Variants in ZNF729 observed in about 807,000 individuals in gnomAD.
ZNF729 encodes the protein zinc finger protein 729.
ZNF729 carries 15 observed loss-of-function variants against 12.2 expected under a neutral mutation model. The observed-to-expected ratio is 1.23, with a 90% CI of 0.82 to 1.89. The LOEUF is 1.89. ZNF729 is among the 40% of genes most tolerant of loss of function. The pLI is 0.00. For synonymous variants in ZNF729, 492 were observed against 476.3 expected (o/e 1.03, Z -0.43); for missense variants, 1,540 against 1,456.7 (o/e 1.06, Z -0.93).
At chr19:22,295,629 T>C (rs1002291501) in intron 1 of ZNF729, among the ~76,000 whole-genome samples, 4 of 152,150 alleles carry the variant, frequency 2.6e-5, no homozygotes, top group African/African-American at 9.7e-5. Flanking sequence ...CTCGATCTCC[T>C]GACCTCGTGA....
At chr19:22,291,922 C>CA (rs1235018361) in intron 1 of ZNF729, among the ~76,000 whole-genome samples, 1 of 152,074 alleles carries the variant, frequency 6.6e-6, no homozygotes, top group African/African-American at 2.4e-5. Context: ...TTAGTAGAGA[C>CA]AGAGTTTCAC....
At chr19:22,307,400 T>C (rs1451112101) in intron 3 of ZNF729, among the ~76,000 whole-genome samples, 1 of 151,486 alleles carries the variant, frequency 6.6e-6, no homozygotes, top group African/African-American at 2.4e-5. Flanking sequence ...CTTTATTTTT[T>C]ACTGTTTTTA....
Position 22,314,834 on chromosome 19 carries a change from T to G in ZNF729, c.1417T>G (p.Ser473Ala). The change falls in exon 4 of 4, where the codon TCA (serine) becomes GCA (alanine). Residue 473 changes from serine to alanine, a missense_variant. Ser to Ala is a moderately conservative substitution (Grantham distance 99). Coordinates refer to ENST00000601693, the MANE Select transcript of ZNF729 (RefSeq NM_001242680.2). ...ATGTGGCAAAGCTTTTAGGCAATCC[T>G]CACACCTTACTAGACATAAAGCAAT... is the stretch of plus-strand genomic sequence containing the variant. ...EECGKAFRQS[S>A]HLTRHKAIHT... 6.2e-7 allele frequency: 1 copy of G among 1,613,624 alleles called. No homozygotes were observed. Among genetic ancestry groups the G allele is most frequent in the East Asian group, 2.2e-5 (1 of 44,800 alleles).
chr19:22,299,821 G>C (rs773858711), intron 1 of ZNF729: 5 of 152,248 alleles, frequency 3.3e-5, no homozygotes, highest in African/African-American at 4.8e-5. Context: ...CTCCCCAGGA[G>C]GCCTGCAGGC....
chr19:22,300,397 C>G (rs1968289056), intron 1 of ZNF729, among the ~76,000 whole-genome samples: 1 of 152,028 alleles, frequency 6.6e-6, no homozygotes, highest in South Asian at 2.1e-4. Context: ...TATGTCTGTT[C>G]TATTGTGGAG....
chr19:22,306,168 C>T (rs1411675130), intron 3 of ZNF729, among the ~76,000 whole-genome samples: 1 of 152,044 alleles, frequency 6.6e-6, no homozygotes, highest in Non-Finnish European at 1.5e-5. Context: ...GCACTGGGCA[C>T]AGTGACTTAT....
intron 1 of ZNF729, among the ~76,000 whole-genome samples, chr19:22,294,305 T>C (rs1968195334): frequency 1.3e-5 from 2 of 152,320 alleles, no homozygotes; most frequent in South Asian, 4.1e-4. Context: ...GGGCTCTCTA[T>C]TCTGTTGCAT....
intron 1 of ZNF729, among the ~76,000 whole-genome samples, chr19:22,296,656 G>T (rs1701181709): frequency 6.6e-6 from 1 of 151,934 alleles, no homozygotes; most frequent in South Asian, 2.1e-4. Flanking sequence ...TAGCTTAGGA[G>T]TTGCTTTGCT....
chr19:22,288,699 C>T (rs1019063886), intron 1 of ZNF729, among the ~76,000 whole-genome samples: 2 of 152,154 alleles, frequency 1.3e-5, no homozygotes, highest in African/African-American at 2.4e-5. Flanking sequence ...CCCAACCCAG[C>T]TTCCATTTCT....
intron 1 of ZNF729, chr19:22,299,020 ACC>A (rs1968269559): frequency 6.6e-6 from 1 of 151,934 alleles, no homozygotes; most frequent in Non-Finnish European, 1.5e-5. Flanking sequence ...TCAATATATA[ACC>A]CCCCATTCAA....
chr19:22,308,393 G>T (rs113493517), intron 3 of ZNF729, among the ~76,000 whole-genome samples: 3,803 of 152,226 alleles, frequency 0.025, 153 homozygotes, highest in African/African-American at 0.087. Flanking sequence ...ACCCAGTAGT[G>T]GGACTGCTGG....
intron 2 of ZNF729, among the ~76,000 whole-genome samples, chr19:22,304,356 G>T (rs547261532): frequency 1.3e-5 from 2 of 152,040 alleles, no homozygotes; most frequent in South Asian, 4.1e-4. Context: ...ATTTTTTAAA[G>T]ATGTTTCATT....
intron 3 of ZNF729, among the ~76,000 whole-genome samples, chr19:22,305,849 G>C (rs111659459): frequency 0.025 from 3,791 of 152,070 alleles, 153 homozygotes; most frequent in African/African-American, 0.087. Flanking sequence ...CAGCCAGGCT[G>C]GTTTGCAATG....
intron 1 of ZNF729, among the ~76,000 whole-genome samples, chr19:22,303,323 T>C (rs1252788652): frequency 6.6e-6 from 1 of 152,164 alleles, no homozygotes; most frequent in African/African-American, 2.4e-5. Context: ...AACTCAGACT[T>C]TATTCTAGAT....
intron 3 of ZNF729, among the ~76,000 whole-genome samples, chr19:22,313,386 G>A (rs1165581481): frequency 6.6e-6 from 1 of 152,160 alleles, no homozygotes; most frequent in Non-Finnish European, 1.5e-5. Context: ...TGCTATTTTT[G>A]GTAGCAGGAA....
At chr19:22,309,334 A>C (rs1968422548) in intron 3 of ZNF729, among the ~76,000 whole-genome samples, 1 of 151,946 alleles carries the variant, frequency 6.6e-6, no homozygotes, top group Admixed American at 6.6e-5. Context: ...AATCCCAGCT[A>C]CTCGGGAGGC....
chr19:22,310,448 A>G (rs917138176), intron 3 of ZNF729, among the ~76,000 whole-genome samples: 4 of 152,118 alleles, frequency 2.6e-5, no homozygotes, highest in African/African-American at 9.7e-5. Flanking sequence ...TTCTGCATCT[A>G]TTGAGATGAT....
Position 22,286,504 on chromosome 19 carries a change from C to T in ZNF729, c.-22C>T, listed in dbSNP as rs772225623. The stretch of plus-strand genomic sequence containing the variant: ...GCCTCTGTGGCCCTGTAACCTGCGG[C>T]ATTGGAAGATCCACAGCTAACATGC... On this transcript the variant is annotated 5_prime_UTR_variant, in exon 1 of 4. Coordinates refer to ENST00000601693, the MANE Select transcript of ZNF729 (RefSeq NM_001242680.2). The T allele has an allele frequency of 6.2e-7, 1 of 1,613,074 alleles. No homozygotes were observed. The highest frequency in any genetic ancestry group is 1.3e-5 in the African/African-American group (1 of 74,714).
At chr19:22,292,976 C>T (rs1183417377) in intron 1 of ZNF729, among the ~76,000 whole-genome samples, 1 of 152,182 alleles carries the variant, frequency 6.6e-6, no homozygotes, top group Non-Finnish European at 1.5e-5. Flanking sequence ...AACTAATTTA[C>T]ACTCATGCCA....
Sources: gnomAD v4.1 joint callset for allele counts (sites outside exome capture counted in the v4.1 genomes callset) on GRCh38, gnomAD v4.1.1 for gene constraint, MANE v1.5 for transcripts, NCBI Gene and HGNC (gene_info 2026-07-23, HGNC 2026-07-21) for gene names.